NUDT7: variants seen among roughly 807,000 people sequenced by gnomAD.
The protein encoded by NUDT7 is nudix hydrolase 7.
In NUDT7, 19 loss-of-function variants were observed where a neutral mutation model predicts 13.1. That is an observed-to-expected ratio of 1.45 (90% CI 1.01 to 2.13). The LOEUF is 2.13. Ranked by LOEUF, NUDT7 falls within the 30% of genes most tolerant of loss-of-function variation. The pLI is 0.00. For missense variants in NUDT7, 360 were observed against 291.7 expected (o/e 1.23, Z -1.71); for synonymous variants, 132 against 109.7 (o/e 1.20, Z -1.27).
At chr16:77,726,919 T>C (rs768096075) in intron 2 of NUDT7, among the ~76,000 whole-genome samples, 1 of 151,682 alleles carries the variant, frequency 6.6e-6, no homozygotes. Flanking sequence ...CTGCTCAGTT[T>C]CTGGAAAGGC....
intron 2 of NUDT7, among the ~76,000 whole-genome samples, chr16:77,726,798 A>C (rs1184528717): frequency 6.6e-6 from 1 of 152,162 alleles, no homozygotes; most frequent in Non-Finnish European, 1.5e-5. Context: ...CCATCTCAAA[A>C]AAAGAAAGAA....
intron 1 of NUDT7, among the ~76,000 whole-genome samples, 186 bp downstream of exon 1, chr16:77,722,803 G>A (rs745820090): frequency 2.0e-5 from 3 of 152,160 alleles, no homozygotes; most frequent in Non-Finnish European, 2.9e-5. Flanking sequence ...CACTGCTCTG[G>A]CCAGGAACAG....
intron 3 of NUDT7, among the ~76,000 whole-genome samples, chr16:77,740,950 TAA>T (rs2014639504): frequency 2.0e-5 from 3 of 152,222 alleles, no homozygotes; most frequent in South Asian, 4.1e-4. Flanking sequence ...TAGTTATATA[TAA>T]GACACATAAT....
intron 3 of NUDT7, among the ~76,000 whole-genome samples, chr16:77,738,508 C>T (rs1197528182): frequency 6.6e-6 from 1 of 152,188 alleles, no homozygotes; most frequent in East Asian, 1.9e-4. Flanking sequence ...AAATTATAAG[C>T]ATAATCTAAT....
chr16:77,738,871 G>T (rs1272487764), intron 3 of NUDT7, among the ~76,000 whole-genome samples: 1 of 152,204 alleles, frequency 6.6e-6, no homozygotes, highest in East Asian at 1.9e-4. Context: ...ACACATCTGT[G>T]GTCGAATCCA....
chr16:77,725,371 A>G (rs2014097074), intron 1 of NUDT7, 60 bp from the exon 2 acceptor site: 21 of 1,495,456 alleles, frequency 1.4e-5, no homozygotes, highest in Admixed American at 7.5e-5. Context: ...AGGCAGGACT[A>G]TAAGCTTTTT....
At position 77,722,522 on chromosome 16, in the gene NUDT7, C is replaced by A. The variant is rs2013985405; in HGVS notation, c.-61C>A. The A allele has an allele frequency of 1.3e-6, 2 of 1,498,700 alleles. No homozygotes were observed. Among genetic ancestry groups the A allele is most frequent in the Non-Finnish European group, 1.8e-6 (2 of 1,100,142 alleles). 92.8% of individuals were successfully genotyped at this position (1,498,700 alleles called of 1,614,324 possible). Reference sequence around the variant, plus strand: ...CTCCCAAGCCCAGAGCTGCTCTGCGCAAGCGCGACCGACCGAGCAGCTCCG... The same window carrying A: ...CTCCCAAGCCCAGAGCTGCTCTGCGAAAGCGCGACCGACCGAGCAGCTCCG... On this transcript the variant is annotated 5_prime_UTR_variant, in exon 1 of 4. Transcript: ENST00000268533.
intron 2 of NUDT7, among the ~76,000 whole-genome samples, chr16:77,725,931 C>T (rs536777026): frequency 6.6e-6 from 1 of 152,268 alleles, no homozygotes; most frequent in African/African-American, 2.4e-5. Flanking sequence ...CACCAGATGC[C>T]AGTAGCACAC....
At position 77,741,785 on chromosome 16, in the gene NUDT7, C is replaced by G; in HGVS notation, c.552C>G (p.Val184=). Residue 184 remains valine (V), a synonymous_variant, in exon 4 of 4, where the codon GTC becomes GTG. Transcript: ENST00000268533. ...AGTACACAAACCCTGAAGACGGTGT[C>G]ACTTACCAGATCAAGGGAATGACGG... ...IFEYTNPEDG[V]TYQIKGMTAN... is the part of the protein sequence containing the mutation. The G allele has an allele frequency of 6.2e-7, 1 of 1,614,142 alleles. No individual in the cohort carries two copies. The highest frequency in any genetic ancestry group is 8.5e-7 in the Non-Finnish European group (1 of 1,180,026).
At chr16:77,740,404 A>G (rs999643034) in intron 3 of NUDT7, among the ~76,000 whole-genome samples, 1 of 151,952 alleles carries the variant, frequency 6.6e-6, no homozygotes, top group African/African-American at 2.4e-5. Flanking sequence ...AGTTCTTCTC[A>G]CTTTCTAATA....
At chr16:77,730,289 C>G (rs537601436) in intron 2 of NUDT7, among the ~76,000 whole-genome samples, 2 of 152,278 alleles carry the variant, frequency 1.3e-5, no homozygotes, top group South Asian at 4.1e-4. Context: ...TCCCCCCAAA[C>G]CACCTCAGCA....
Position 77,735,969 on chromosome 16 carries a change from G to T in NUDT7, c.331G>T (p.Val111Leu). The T allele has an allele frequency of 6.2e-7, 1 of 1,614,046 alleles. No individual in the cohort carries two copies. Among genetic ancestry groups the T allele is most frequent in the South Asian group, 1.1e-5 (1 of 91,072 alleles). ...PHQVEVVCCL[V>L]PCLIDTDTLI... Reference sequence around the variant, plus strand: ...CCAAGTGGAAGTTGTCTGCTGCCTGGTGCCATGTCTTATTGATGTAAGGGT... The same window carrying T: ...CCAAGTGGAAGTTGTCTGCTGCCTGTTGCCATGTCTTATTGATGTAAGGGT... The change falls in exon 3 of 4, where the codon GTG becomes TTG. Residue 111 changes from valine (V) to leucine (L), a missense_variant. Physicochemically the swap from Val to Leu is conservative, Grantham distance 32. Transcript: ENST00000268533.
rs148451618 is a variant in NUDT7 at position 77,723,592 on chromosome 16, C to CTT, written c.35+992_35+993dup. 9.1e-4 allele frequency among the ~76,000 whole-genome samples: 114 copies of CTT among 125,664 alleles called. 3 individuals carry two copies. Among genetic ancestry groups the CTT allele is most frequent in the East Asian group, 2.8e-3 (12 of 4,238 alleles). 82.4% of individuals were successfully genotyped at this position (125,664 alleles called of 152,430 possible). Reference sequence around the variant, plus strand: ...AACTCAGAGAAGTCATTTGTATACACTTTTTTTTTTTTTTTTTTGAGACAG... The same window carrying CTT: ...AACTCAGAGAAGTCATTTGTATACACTTTTTTTTTTTTTTTTTTTTGAGACAG... On this transcript the variant is annotated intron_variant, in intron 1 of 3. Coordinates refer to ENST00000268533, the MANE Select transcript of NUDT7 (RefSeq NM_001105663.3).
At chr16:77,736,243 A>G in intron 3 of NUDT7, 1 of 374,800 alleles carries the variant, frequency 2.7e-6, no homozygotes. Flanking sequence ...TGGATGCCAT[A>G]GAACCCTAGA....
intron 3 of NUDT7, among the ~76,000 whole-genome samples, chr16:77,740,486 A>G (rs28734909): frequency 0.014 from 2,179 of 152,234 alleles, 50 homozygotes; most frequent in African/African-American, 0.049. Context: ...GGTTTCCAGT[A>G]TAACAAAACA....
At chr16:77,736,627 CT>C (rs1567431730) in intron 3 of NUDT7, 2 of 230,692 alleles carry the variant, frequency 8.7e-6, no homozygotes, top group Non-Finnish European at 1.8e-5. Flanking sequence ...ATCTTATTTT[CT>C]TTTTTATTTT....
At chr16:77,729,848 T>G (rs2014256840) in intron 2 of NUDT7, among the ~76,000 whole-genome samples, 1 of 122,046 alleles carries the variant, frequency 8.2e-6, no homozygotes, top group African/African-American at 3.2e-5. Context: ...ATAAATAAAT[T>G]TTAAATCAAC....
chr16:77,725,484 G>C lies in NUDT7; in HGVS notation c.89G>C (p.Gly30Ala). 1 of 1,613,458 alleles carries C rather than the reference G, an allele frequency of 6.2e-7. No individual in the cohort carries two copies. Among genetic ancestry groups the C allele is most frequent in the East Asian group, 2.2e-5 (1 of 44,866 alleles). The change falls in exon 2 of 4, where the codon GGC becomes GCC. Residue 30 changes from glycine (G) to alanine (A), a missense_variant. Gly to Ala is a moderately conservative substitution (Grantham distance 60). Transcript: ENST00000268533. ...CGCTTAAGAAAGTATGATATTGGAG[G>C]CAAATATTCTCACTTGCCATATAAC... Reference protein sequence around the residue: ...KARLRKYDIGGKYSHLPYNKY... With the variant: ...KARLRKYDIGAKYSHLPYNKY...
At chr16:77,733,400 C>G (rs557811762) in intron 2 of NUDT7, among the ~76,000 whole-genome samples, 1 of 152,314 alleles carries the variant, frequency 6.6e-6, no homozygotes, top group South Asian at 2.1e-4. Context: ...TGTCTCTGGT[C>G]TCTTTTATAA....
Sources: allele counts gnomAD v4.1 joint callset (sites outside exome capture counted in the v4.1 genomes callset), GRCh38; gene constraint gnomAD v4.1.1; transcripts MANE v1.5; gene names NCBI Gene and HGNC (gene_info 2026-07-23, HGNC 2026-07-21).